The following KCND3 variants were observed in gnomAD, a reference collection of about 807,000 sequenced individuals.
The protein encoded by KCND3 is potassium voltage-gated channel subfamily D member 3.
A neutral mutation model predicts 51.1 loss-of-function variants in KCND3; 9 were observed. The observed-to-expected ratio is 0.18, with a 90% confidence interval of 0.11 to 0.31. The LOEUF is 0.31. KCND3 is among the 10% of genes least tolerant of loss of function. The pLI is 1.00. For synonymous variants in KCND3, 349 were observed against 368.0 expected, an observed-to-expected ratio of 0.95 and a Z score of 0.59; for missense variants, 526 against 903.8, an observed-to-expected ratio of 0.58 and a Z score of 5.36.
chr1:111,941,922 G>C (rs533065846), intron 2 of KCND3, among the ~76,000 whole-genome samples: 98 of 152,338 alleles, frequency 6.4e-4, no homozygotes, highest in African/African-American at 2.3e-3. Flanking sequence ...TTGGGGGTCA[G>C]GGAATCAGAG....
chr1:111,841,448 G>C (rs1226662919), intron 2 of KCND3, among the ~76,000 whole-genome samples: 1 of 152,130 alleles, frequency 6.6e-6, no homozygotes, highest in Non-Finnish European at 1.5e-5. Flanking sequence ...AATTGTTCCT[G>C]ACTCTTCACC....
At chr1:111,886,572 G>A (rs992540939) in intron 2 of KCND3, among the ~76,000 whole-genome samples, 1 of 152,192 alleles carries the variant, frequency 6.6e-6, no homozygotes, top group Non-Finnish European at 1.5e-5. Flanking sequence ...TCAATTTATT[G>A]GGAGGCCAAT....
intron 2 of KCND3, among the ~76,000 whole-genome samples, chr1:111,974,754 A>G (rs11102366): frequency 0.24 from 36,415 of 152,184 alleles, 4,786 homozygotes; most frequent in Middle Eastern, 0.33. Flanking sequence ...GTTGTGTTTA[A>G]TGGGTGTGTT....
At chr1:111,934,893 AC>A (rs1339887594) in intron 2 of KCND3, among the ~76,000 whole-genome samples, 3 of 152,210 alleles carry the variant, frequency 2.0e-5, no homozygotes. Flanking sequence ...TGATTATTAA[AC>A]AAGTTAATAC....
Position 111,950,476 on chromosome 1 carries a change from G to C in KCND3, c.1106+31145C>G, listed in dbSNP as rs147436821. On this transcript the variant is annotated intron_variant, in intron 2 of 7. Transcript: ENST00000302127. ...CGGCACCTGACCGTGCTCTCCCCTC[G>C]ATCCAGCCCGCAGCACTGTGCCTGG... 5.8e-4 allele frequency among the ~76,000 whole-genome samples: 88 copies of C among 152,152 alleles called. 1 individual carries two copies. Among genetic ancestry groups the C allele is most frequent in the African/African-American group, 2.0e-3 (84 of 41,486 alleles).
At chr1:111,919,352 T>C (rs566841762) in intron 2 of KCND3, among the ~76,000 whole-genome samples, 3 of 151,964 alleles carry the variant, frequency 2.0e-5, no homozygotes, top group African/African-American at 7.2e-5. Flanking sequence ...GTGGCAACTC[T>C]AGGTATGGGG....
intron 2 of KCND3, among the ~76,000 whole-genome samples, chr1:111,912,113 C>A (rs1429541989): frequency 1.3e-5 from 2 of 152,234 alleles, no homozygotes; most frequent in African/African-American, 2.4e-5. Flanking sequence ...AGAACCATCG[C>A]AAAGCACTAA....
intron 2 of KCND3, among the ~76,000 whole-genome samples, chr1:111,834,583 G>A (rs1476941837): frequency 6.6e-6 from 1 of 152,148 alleles, no homozygotes; most frequent in Non-Finnish European, 1.5e-5. Context: ...CTCAACACCA[G>A]TCTTGACAAG....
chr1:111,927,664 A>T (rs1359197867), intron 2 of KCND3, among the ~76,000 whole-genome samples: 2 of 151,850 alleles, frequency 1.3e-5, no homozygotes, highest in African/African-American at 4.8e-5. Flanking sequence ...TTCCTTTTCC[A>T]TTCATCCAAC....
intron 2 of KCND3, among the ~76,000 whole-genome samples, chr1:111,849,487 T>A (rs190818894): frequency 6.6e-6 from 1 of 152,328 alleles, no homozygotes. Flanking sequence ...ACCTGTGGCT[T>A]CAGGCCTGGC....
At chr1:111,904,157 C>A (rs1670529315) in intron 2 of KCND3, among the ~76,000 whole-genome samples, 1 of 151,070 alleles carries the variant, frequency 6.6e-6, no homozygotes, top group Non-Finnish European at 1.5e-5. Flanking sequence ...CACTGCACCC[C>A]TCCCAGATGG....
chr1:111,807,615 G>A lies in KCND3; in HGVS notation c.1107-20509C>T, dbSNP rs116202430. Reference sequence around the variant, plus strand: ...CACTTGAACCTGGGAAGCAGACGTTGCAGTGAGCCTAGACTGCGCCATTAC... The same window carrying A: ...CACTTGAACCTGGGAAGCAGACGTTACAGTGAGCCTAGACTGCGCCATTAC... On this transcript the variant is annotated intron_variant, in intron 2 of 7. Coordinates refer to ENST00000302127, the MANE Select transcript of KCND3 (RefSeq NM_001378969.1). 4.9e-3 allele frequency among the ~76,000 whole-genome samples: 753 copies of A among 152,360 alleles called. 2 individuals are homozygous for A. Among genetic ancestry groups the A allele is most frequent in the Non-Finnish European group, 7.7e-3 (525 of 68,034 alleles).
intron 2 of KCND3, among the ~76,000 whole-genome samples, chr1:111,842,265 G>C (rs1422735758): frequency 6.6e-6 from 1 of 152,220 alleles, no homozygotes; most frequent in Non-Finnish European, 1.5e-5. Context: ...GGCCCCAGCT[G>C]TCCAGGCCCC....
intron 2 of KCND3, among the ~76,000 whole-genome samples, chr1:111,823,383 T>G (rs940898391): frequency 1.3e-5 from 2 of 152,190 alleles, no homozygotes; most frequent in African/African-American, 2.4e-5. Context: ...TGGAACCTAC[T>G]CTGGTCCCTG....
At chr1:111,977,873 A>G (rs1674726410) in intron 2 of KCND3, among the ~76,000 whole-genome samples, 1 of 152,210 alleles carries the variant, frequency 6.6e-6, no homozygotes, top group African/African-American at 2.4e-5. Flanking sequence ...TGGGAGTTCT[A>G]TGTTATCCCT....
At chr1:111,881,190 G>A (rs955191866) in intron 2 of KCND3, among the ~76,000 whole-genome samples, 1 of 152,126 alleles carries the variant, frequency 6.6e-6, no homozygotes, top group Non-Finnish European at 1.5e-5. Flanking sequence ...CCTGTCTCCC[G>A]TTCCTACCCA....
At chr1:111,893,935 T>C (rs919280513) in intron 2 of KCND3, among the ~76,000 whole-genome samples, 4 of 152,254 alleles carry the variant, frequency 2.6e-5, no homozygotes, top group African/African-American at 9.6e-5. Context: ...AGAAGGTCCA[T>C]GCCCCCATCA....
In KCND3 at chr1:111,972,372, C is replaced by T. The variant is rs976560910; in HGVS notation, c.1106+9249G>A. On this transcript the variant is annotated intron_variant, in intron 2 of 7. Transcript: ENST00000302127. Reference sequence around the variant, plus strand: ...TATTTTTAGTAGAGACGGGGTTTCACCGTTTTAGCCGGGATGGTCTCGATC... The same window carrying T: ...TATTTTTAGTAGAGACGGGGTTTCATCGTTTTAGCCGGGATGGTCTCGATC... Among the ~76,000 whole-genome samples, 16 of 151,872 alleles carry T rather than the reference C, an allele frequency of 1.1e-4. 1 individual carries two copies. Among genetic ancestry groups the T allele is most frequent in the Admixed American group, 9.8e-4 (15 of 15,274 alleles).
intron 2 of KCND3, among the ~76,000 whole-genome samples, chr1:111,863,517 G>T (rs1668425414): frequency 6.6e-6 from 1 of 152,192 alleles, no homozygotes; most frequent in Non-Finnish European, 1.5e-5. Flanking sequence ...GGTATTCCAA[G>T]AAGTAACATC....
Sources: gnomAD v4.1 joint callset for allele counts (sites outside exome capture counted in the v4.1 genomes callset) on GRCh38, gnomAD v4.1.1 for gene constraint, MANE v1.5 for transcripts, NCBI Gene and HGNC (gene_info 2026-07-23, HGNC 2026-07-21) for gene names.